BLVRB: variants seen among roughly 807,000 people sequenced by gnomAD.
The protein encoded by BLVRB is flavin reductase (NADPH).
BLVRB carries 25 observed loss-of-function variants against 21.1 expected under a neutral mutation model. The observed-to-expected ratio is 1.19, with a 90% CI of 0.86 to 1.66. The LOEUF (loss-of-function observed/expected upper bound fraction) is 1.66, where lower values mean the gene tolerates loss of function less well. Among genes scored for constraint, BLVRB ranks in the 40% most tolerant of loss-of-function variants. The pLI, the probability that BLVRB is intolerant of heterozygous loss-of-function variation, is 0.00. For synonymous variants in BLVRB, 128 were observed against 122.2 expected (o/e 1.05, Z -0.31); for missense variants, 274 against 282.7 (o/e 0.97, Z 0.22).
intron 3 of BLVRB, among the ~76,000 whole-genome samples, chr19:40,456,508 T>A (rs559473991): frequency 6.6e-6 from 1 of 150,416 alleles, no homozygotes; most frequent in African/African-American, 2.5e-5. Context: ...CAAAAAAAAA[T>A]GAGAAAAAAG....
At chr19:40,449,569 G>T (rs1219223312) in intron 4 of BLVRB, among the ~76,000 whole-genome samples, 1 of 152,052 alleles carries the variant, frequency 6.6e-6, no homozygotes, top group African/African-American at 2.4e-5. Context: ...ATTTTACTAC[G>T]GAGTGGATAC....
intron 3 of BLVRB, among the ~76,000 whole-genome samples, chr19:40,452,574 A>C (rs1568737167): frequency 6.6e-6 from 1 of 151,872 alleles, no homozygotes; most frequent in East Asian, 1.9e-4. Flanking sequence ...AATTTAAAAA[A>C]TTTTTTTAGG....
intron 1 of BLVRB, among the ~76,000 whole-genome samples, chr19:40,460,270 A>ATATATATATG (rs1336577975): frequency 3.2e-5 from 4 of 126,358 alleles, no homozygotes; most frequent in African/African-American, 9.7e-5. Context: ...ATATATATAT[A>ATATATATATG]TATATTTAGA....
At chr19:40,451,975 A>C (rs142304028) in intron 3 of BLVRB, among the ~76,000 whole-genome samples, 252 of 152,140 alleles carry the variant, frequency 1.7e-3, no homozygotes, top group African/African-American at 5.5e-3. Context: ...CAATAATTCC[A>C]AATCTGACCT....
At chr19:40,450,846 C>G (rs1289781233) in intron 4 of BLVRB, among the ~76,000 whole-genome samples, 4 of 112,124 alleles carry the variant, frequency 3.6e-5, no homozygotes, top group Admixed American at 8.1e-5. Context: ...GCCTATGTAT[C>G]TATCTATCTA....
intron 4 of BLVRB, among the ~76,000 whole-genome samples, chr19:40,449,381 G>A (rs2079729019): frequency 6.6e-6 from 1 of 152,054 alleles, no homozygotes; most frequent in South Asian, 2.1e-4. Context: ...GAGTATCTGG[G>A]ATTACAGGTG....
chr19:40,451,494 T>C lies in BLVRB; in HGVS notation c.335-2A>G. 2.5e-6 allele frequency: 4 copies of C among 1,606,120 alleles called. No homozygotes were observed. Among genetic ancestry groups the C allele is most frequent in the Non-Finnish European group, 2.6e-6 (3 of 1,176,378 alleles). ...TGGTAGGGTCCCAGAGCAGGAAAGC[T>C]GGAGGGAACACAGGGCAGGATCAGC... is the stretch of plus-strand genomic sequence containing the variant. On this transcript the variant is annotated splice_acceptor_variant, in intron 3 of 4. Coordinates refer to ENST00000263368, the MANE Select transcript of BLVRB (RefSeq NM_000713.3). LOFTEE classifies it high-confidence loss of function.
chr19:40,449,896 G>T (rs1212582538), intron 4 of BLVRB, among the ~76,000 whole-genome samples: 1 of 152,102 alleles, frequency 6.6e-6, no homozygotes, highest in Non-Finnish European at 1.5e-5. Flanking sequence ...AAATCGGGAG[G>T]TGTGGAAGTT....
intron 1 of BLVRB, among the ~76,000 whole-genome samples, chr19:40,463,225 T>C (rs756289327): frequency 1.1e-4 from 17 of 152,140 alleles, no homozygotes; most frequent in Non-Finnish European, 1.9e-4. Flanking sequence ...AGCTAGTAGG[T>C]AGAGAAGGTT....
At chr19:40,451,130 G>A (rs759059415) in intron 4 of BLVRB, among the ~76,000 whole-genome samples, 9 of 152,164 alleles carry the variant, frequency 5.9e-5, no homozygotes, top group Non-Finnish European at 1.0e-4. Flanking sequence ...CCTAGGGGCT[G>A]CCAGCTCTCA....
intron 3 of BLVRB, among the ~76,000 whole-genome samples, chr19:40,451,863 A>G (rs2079741659): frequency 6.6e-6 from 1 of 152,152 alleles, no homozygotes; most frequent in Admixed American, 6.6e-5. Context: ...GCCAGGACAA[A>G]ACCCTGCCAT....
intron 3 of BLVRB, 101 bp downstream of exon 3, chr19:40,458,054 A>T: frequency 8.7e-7 from 1 of 1,155,526 alleles, no homozygotes; most frequent in Non-Finnish European, 1.3e-6. Context: ...CAGTAAATGC[A>T]CAGTAACATG....
intron 3 of BLVRB, among the ~76,000 whole-genome samples, chr19:40,454,944 G>C (rs1050179930): frequency 6.6e-6 from 1 of 152,256 alleles, no homozygotes; most frequent in Admixed American, 6.5e-5. Flanking sequence ...TAGGCTCAAA[G>C]GATCCTCCTA....
At position 40,460,245 on chromosome 19, in the gene BLVRB, AAC is replaced by A. The variant is rs1462529139; in HGVS notation, c.80-1702_80-1701del. ...TAACATTTGGGTATACTGTAATAGC[AAC>A]ATATATATATATATATATATATATA... On this transcript the variant is annotated intron_variant, in intron 1 of 4. Transcript: ENST00000263368. Among the ~76,000 whole-genome samples, 15 of 53,570 alleles carry A rather than the reference AAC, an allele frequency of 2.8e-4. 2 individuals are homozygous for A. Among genetic ancestry groups the A allele is most frequent in the Non-Finnish European group, 3.1e-4 (9 of 29,248 alleles). 35.1% of individuals were successfully genotyped at this position (53,570 alleles called of 152,430 possible).
In BLVRB at chr19:40,458,369, G is replaced by C; in HGVS notation, c.244+12C>G. The C allele has an allele frequency of 6.4e-7, 1 of 1,565,034 alleles. No homozygotes were observed. Among genetic ancestry groups the C allele is most frequent in the Non-Finnish European group, 8.7e-7 (1 of 1,154,006 alleles). On this transcript the variant is annotated intron_variant, in intron 2 of 4. Coordinates refer to ENST00000263368, the MANE Select transcript of BLVRB (RefSeq NM_000713.3). ...GTAGGGGAGGGCCGTGGGCAGAGGG[G>C]GGGCTCAGTACTGAGGTCATTGCGG...
In BLVRB at chr19:40,459,327, C is replaced by CA. The variant is rs751696189; in HGVS notation, c.80-783dup. ...TGGATGACAAAGCGAGACTCTATCT[C>CA]AAAAAAAAAAAAAAAAAAAAAAAAA... On this transcript the variant is annotated intron_variant, in intron 1 of 4. Coordinates refer to ENST00000263368, the MANE Select transcript of BLVRB (RefSeq NM_000713.3). Among the ~76,000 whole-genome samples the CA allele has an allele frequency of 3.4e-3, 117 of 34,430 alleles. 17 individuals are homozygous for CA. The highest frequency in any genetic ancestry group is 4.3e-3 in the Non-Finnish European group (82 of 18,954). The allele number at this position is 34,430 out of a possible 152,430, so 22.6% of individuals were successfully genotyped here. A position where few individuals can be genotyped will look rare whatever the true frequency, so the allele number is the denominator to read the frequency against.
At chr19:40,459,443 A>G (rs28608147) in intron 1 of BLVRB, among the ~76,000 whole-genome samples, 74,143 of 146,600 alleles carry the variant, frequency 0.51, 19,066 homozygotes, top group African/African-American at 0.63. Flanking sequence ...CTTACCTTCT[A>G]TTTATTATTA....
chr19:40,448,743 C>T (rs1324700830), intron 4 of BLVRB, among the ~76,000 whole-genome samples: 4 of 150,564 alleles, frequency 2.7e-5, no homozygotes, highest in African/African-American at 9.8e-5. Context: ...GAATTATGCA[C>T]AGTATGGAAC....
At chr19:40,465,537 C>G in intron 1 of BLVRB, 73 bp downstream of exon 1, 2 of 1,536,640 alleles carry the variant, frequency 1.3e-6, no homozygotes, top group South Asian at 1.2e-5. Flanking sequence ...AGCCTCGGCC[C>G]GACCCCATGG....
Sources: gnomAD v4.1 joint callset for allele counts (sites outside exome capture counted in the v4.1 genomes callset) on GRCh38, gnomAD v4.1.1 for gene constraint, MANE v1.5 for transcripts, NCBI Gene and HGNC (gene_info 2026-07-23, HGNC 2026-07-21) for gene names.